The following TTC23 variants were observed in gnomAD, a reference collection of about 807,000 sequenced individuals.
The protein encoded by TTC23 is tetratricopeptide repeat protein 23.
A neutral mutation model predicts 55.1 loss-of-function variants in TTC23; 58 were observed. That is an observed-to-expected ratio of 1.05 (90% CI 0.85 to 1.31). TTC23 has a LOEUF of 1.31. Ranked by LOEUF, TTC23 falls within the 50% of genes most tolerant of loss-of-function variation. TTC23 has a pLI of 0.00. For synonymous variants in TTC23, 203 were observed against 199.9 expected, an observed-to-expected ratio of 1.02 and a Z score of -0.13; for missense variants, 516 against 534.4, an observed-to-expected ratio of 0.97 and a Z score of 0.34.
intron 12 of TTC23, among the ~76,000 whole-genome samples, chr15:99,148,305 G>C (rs2069208164): frequency 7.8e-6 from 1 of 128,754 alleles, no homozygotes; most frequent in East Asian, 2.7e-4. Context: ...AGGTTGCAGT[G>C]AGCCGAGATC....
At chr15:99,149,266 C>A (rs991629293) in intron 12 of TTC23, among the ~76,000 whole-genome samples, 3 of 152,234 alleles carry the variant, frequency 2.0e-5, no homozygotes, top group African/African-American at 7.2e-5. Context: ...GAGATCAGAA[C>A]TGCACGCACC....
chr15:99,145,351 T>C (rs1443676541), intron 12 of TTC23: 1 of 152,036 alleles, frequency 6.6e-6, no homozygotes, highest in African/African-American at 2.4e-5. Flanking sequence ...AATACATAAA[T>C]AAACGTGTCA....
At chr15:99,225,200 T>C (rs1189695289) in intron 5 of TTC23, among the ~76,000 whole-genome samples, 1 of 152,206 alleles carries the variant, frequency 6.6e-6, no homozygotes, top group Non-Finnish European at 1.5e-5. Flanking sequence ...AAGAAACAGC[T>C]TGTCCTTCCT....
At chr15:99,246,444 T>C (rs1053291568) in intron 1 of TTC23, among the ~76,000 whole-genome samples, 1 of 151,722 alleles carries the variant, frequency 6.6e-6, no homozygotes, top group Admixed American at 6.6e-5. Context: ...TGAAACCCTG[T>C]CTCTACTAAA....
intron 7 of TTC23, 64 bp from the exon 8 acceptor site, chr15:99,218,777 C>CAAG: frequency 6.2e-7 from 1 of 1,606,922 alleles, no homozygotes; most frequent in Non-Finnish European, 8.5e-7. Context: ...CCTGAACTTC[C>CAAG]TTGGCTCCCA....
At chr15:99,220,044 C>T (rs2077792710) in intron 6 of TTC23, among the ~76,000 whole-genome samples, 1 of 152,142 alleles carries the variant, frequency 6.6e-6, no homozygotes, top group African/African-American at 2.4e-5. Context: ...TGATGTTACA[C>T]AAAGCATGTT....
At chr15:99,171,940 C>A (rs2072998776) in intron 10 of TTC23, among the ~76,000 whole-genome samples, 1 of 152,120 alleles carries the variant, frequency 6.6e-6, no homozygotes, top group African/African-American at 2.4e-5. Flanking sequence ...ACCCCCTTTC[C>A]CAATTTGTAA....
intron 10 of TTC23, among the ~76,000 whole-genome samples, chr15:99,166,449 C>T (rs80172708): frequency 1.2e-4 from 18 of 152,152 alleles, no homozygotes; most frequent in African/African-American, 3.4e-4. Flanking sequence ...CTCAGACTTA[C>T]GGACGCCCAG....
intron 8 of TTC23, among the ~76,000 whole-genome samples, chr15:99,215,052 C>T (rs1313009419): frequency 6.6e-6 from 1 of 151,584 alleles, no homozygotes; most frequent in East Asian, 2.0e-4. Flanking sequence ...GACAGGGTCT[C>T]GCCATGTTAG....
intron 9 of TTC23, among the ~76,000 whole-genome samples, chr15:99,179,277 C>T (rs919445542): frequency 3.3e-5 from 5 of 152,198 alleles, no homozygotes; most frequent in African/African-American, 4.8e-5. Context: ...CTCCAACTCA[C>T]AGACCCATTT....
At chr15:99,247,487 G>C (rs546532783) in intron 1 of TTC23, among the ~76,000 whole-genome samples, 2 of 152,190 alleles carry the variant, frequency 1.3e-5, no homozygotes, top group South Asian at 4.2e-4. Flanking sequence ...TCTGTTAATT[G>C]GTACTGTTAA....
At chr15:99,234,940 TA>T (rs34271192) in intron 4 of TTC23, 47 bp downstream of exon 4, 12,996 of 143,762 alleles carry the variant, frequency 0.09, 790 homozygotes, top group East Asian at 0.31. Context: ...TGGCAGGGTT[TA>T]AAAAAAAAAA....
chr15:99,152,092 G>A (rs1485103831), intron 12 of TTC23, among the ~76,000 whole-genome samples: 1 of 152,230 alleles, frequency 6.6e-6, no homozygotes, highest in African/African-American at 2.4e-5. Flanking sequence ...TCTCATGAAT[G>A]TTTAAGCACT....
rs142198591 is a variant in TTC23, at chr15:99,189,210, T to C, written c.759+10709A>G. On this transcript the variant is annotated intron_variant, in intron 9 of 13. Transcript: ENST00000394132. ...ATGAAGGTTTCCAGATATACTGTTA[T>C]GTGAAAAGAGCAAACATACTAATAA... 3.2e-3 allele frequency among the ~76,000 whole-genome samples: 494 copies of C among 152,240 alleles called. 2 individuals are homozygous for C. The highest frequency in any genetic ancestry group is 0.01 in the African/African-American group (435 of 41,560).
At chr15:99,218,368 T>C (rs8023421) in intron 8 of TTC23, among the ~76,000 whole-genome samples, 70,642 of 151,916 alleles carry the variant, frequency 0.47, 16,498 homozygotes, top group Middle Eastern at 0.6. Flanking sequence ...ATCAGAACTC[T>C]GGGACCCAGG....
intron 5 of TTC23, 104 bp from the exon 6 acceptor site, chr15:99,221,968 T>A: frequency 7.5e-7 from 1 of 1,339,096 alleles, no homozygotes; most frequent in Non-Finnish European, 1.0e-6. Flanking sequence ...GAGTGACTAC[T>A]ATGTGCAAAA....
intron 9 of TTC23, among the ~76,000 whole-genome samples, chr15:99,185,537 C>T (rs764137510): frequency 7.2e-5 from 11 of 152,118 alleles, no homozygotes; most frequent in Non-Finnish European, 1.3e-4. Context: ...GCAGAGCTAC[C>T]CTGGAAACTG....
intron 13 of TTC23, 120 bp from the exon 14 acceptor site, chr15:99,138,247 T>C (rs1450578659): frequency 2.5e-6 from 3 of 1,177,594 alleles, no homozygotes; most frequent in Non-Finnish European, 3.6e-6. Context: ...TGGTAGGGGC[T>C]ATAAATGAGA....
intron 10 of TTC23, among the ~76,000 whole-genome samples, chr15:99,169,191 G>A (rs955969903): frequency 2.0e-5 from 3 of 152,162 alleles, no homozygotes; most frequent in Non-Finnish European, 4.4e-5. Context: ...GAGCTCAAAG[G>A]CAAGGCCAAA....
Sources: gnomAD v4.1 joint callset for allele counts (sites outside exome capture counted in the v4.1 genomes callset) on GRCh38, gnomAD v4.1.1 for gene constraint, MANE v1.5 for transcripts, NCBI Gene and HGNC (gene_info 2026-07-23, HGNC 2026-07-21) for gene names.